Variants in SH3D19 observed in about 807,000 individuals in gnomAD.
SH3D19 encodes the protein SH3 domain containing 19.
SH3D19 carries 58 observed loss-of-function variants against 112.1 expected under a neutral mutation model. That is an observed-to-expected ratio of 0.52 (90% CI 0.42 to 0.64). SH3D19 has a LOEUF of 0.64. Ranked by LOEUF, SH3D19 falls within the 30% of genes least tolerant of loss-of-function variation. The pLI, the probability that SH3D19 is intolerant of heterozygous loss-of-function variation, is 0.00. For missense variants in SH3D19, 1,090 were observed against 1,263.4 expected (o/e 0.86, Z 2.08); for synonymous variants, 391 against 448.5 (o/e 0.87, Z 1.62).
chr4:151,301,259 C>T (rs1297964886), intron 1 of SH3D19, among the ~76,000 whole-genome samples: 1 of 152,216 alleles, frequency 6.6e-6, no homozygotes, highest in African/African-American at 2.4e-5. Flanking sequence ...CAGAGTTTTG[C>T]TCTTGTTGCC....
chr4:151,198,105 A>G (rs527877041), intron 2 of SH3D19, among the ~76,000 whole-genome samples: 3 of 151,850 alleles, frequency 2.0e-5, no homozygotes, highest in South Asian at 2.1e-4. Flanking sequence ...GCAGATCGAG[A>G]CAATCCTGGC....
chr4:151,310,847 A>G (rs1283491732), intron 1 of SH3D19, among the ~76,000 whole-genome samples: 1 of 151,732 alleles, frequency 6.6e-6, no homozygotes, highest in Non-Finnish European at 1.5e-5. Flanking sequence ...TGCTGGGATT[A>G]CAGGTATGAT....
intron 11 of SH3D19, among the ~76,000 whole-genome samples, chr4:151,144,853 T>C (rs186678889): frequency 1.3e-5 from 2 of 152,318 alleles, no homozygotes; most frequent in Admixed American, 1.3e-4. Flanking sequence ...GTACTGGACC[T>C]TGTCCAGGAG....
At chr4:151,162,242 A>G (rs1017058312) in intron 8 of SH3D19, among the ~76,000 whole-genome samples, 9 of 151,826 alleles carry the variant, frequency 5.9e-5, no homozygotes, top group African/African-American at 2.2e-4. Context: ...GAGTGAGAAC[A>G]TGCAGTGTTT....
chr4:151,291,406 C>T, intron 1 of SH3D19: 3 of 1,613,932 alleles, frequency 1.9e-6, no homozygotes, highest in Non-Finnish European at 2.5e-6. Flanking sequence ...TGCTTGCATA[C>T]AGGGCTGGGA....
At chr4:151,145,470 C>T (rs1753759855) in intron 11 of SH3D19, among the ~76,000 whole-genome samples, 1 of 152,166 alleles carries the variant, frequency 6.6e-6, no homozygotes, top group Admixed American at 6.5e-5. Context: ...CCTTGTGACC[C>T]CCGCCCCTGC....
intron 8 of SH3D19, among the ~76,000 whole-genome samples, chr4:151,163,248 G>A (rs1193154595): frequency 6.6e-6 from 1 of 152,086 alleles, no homozygotes; most frequent in Non-Finnish European, 1.5e-5. Context: ...ATATACTTTT[G>A]CTATAATAAA....
At chr4:151,223,745 C>CT (rs758305244) in intron 2 of SH3D19, among the ~76,000 whole-genome samples, 5 of 151,976 alleles carry the variant, frequency 3.3e-5, no homozygotes, top group African/African-American at 4.8e-5. Context: ...TTATCTTACT[C>CT]TTTTTTTTCA....
intron 1 of SH3D19, among the ~76,000 whole-genome samples, chr4:151,309,854 G>A (rs1468727096): frequency 2.0e-5 from 3 of 152,222 alleles, no homozygotes; most frequent in Non-Finnish European, 4.4e-5. Flanking sequence ...GCTGGGTATG[G>A]TGGCACATAC....
chr4:151,291,630 A>T (rs2150019739), intron 1 of SH3D19, among the ~76,000 whole-genome samples: 1 of 152,334 alleles, frequency 6.6e-6, no homozygotes, highest in East Asian at 1.9e-4. Context: ...GACAGGAAGG[A>T]TGTCCTCTAT....
At chr4:151,220,868 G>C (rs748175561) in intron 2 of SH3D19, among the ~76,000 whole-genome samples, 7 of 152,170 alleles carry the variant, frequency 4.6e-5, no homozygotes, top group Middle Eastern at 3.4e-3. Context: ...CTTATTTCTT[G>C]ACATACTGAT....
chr4:151,156,975 A>C (rs1337635540), intron 9 of SH3D19, among the ~76,000 whole-genome samples: 2 of 152,162 alleles, frequency 1.3e-5, no homozygotes, highest in African/African-American at 4.8e-5. Flanking sequence ...CAAAAACCCC[A>C]AACAATCTGA....
intron 4 of SH3D19, among the ~76,000 whole-genome samples, chr4:151,178,180 T>G (rs1760252013): frequency 6.7e-6 from 1 of 149,926 alleles, no homozygotes; most frequent in Non-Finnish European, 1.5e-5. Context: ...GGATTAAAGG[T>G]GTAAGGCACT....
intron 1 of SH3D19, chr4:151,226,301 T>C (rs548763601): frequency 5.8e-6 from 7 of 1,202,126 alleles, no homozygotes; most frequent in Admixed American, 4.4e-5. Flanking sequence ...TTTGTTAAAA[T>C]CATCTACTTG....
chr4:151,237,424 C>A (rs576325899), intron 1 of SH3D19, among the ~76,000 whole-genome samples: 1 of 152,340 alleles, frequency 6.6e-6, no homozygotes, highest in Admixed American at 6.5e-5. Flanking sequence ...TGCTTACCAT[C>A]TCCAGGTGTC....
At chr4:151,289,092 G>C (rs561583377) in intron 1 of SH3D19, among the ~76,000 whole-genome samples, 41 of 152,258 alleles carry the variant, frequency 2.7e-4, no homozygotes, top group African/African-American at 9.9e-4. Context: ...TATATTTATG[G>C]TCAATTATTT....
At position 151,122,109 on chromosome 4, in the gene SH3D19, C is replaced by T; in HGVS notation, c.3126G>A (p.Gln1042=). The T allele has an allele frequency of 6.3e-7, 1 of 1,589,192 alleles. No homozygotes were observed. The highest frequency in any genetic ancestry group is 8.6e-7 in the Non-Finnish European group (1 of 1,157,568). The change falls in exon 20 of 20, where the codon CAG becomes CAA. Residue 1042 remains glutamine (Q), a synonymous_variant. Coordinates refer to ENST00000604030, the MANE Select transcript of SH3D19 (RefSeq NM_001378122.1). The part of the protein sequence containing the change: ...KSGIFPKNYI[Q]FLQIS ...TTCTCCTCTAGCTGATCTGTAGAAA[C>T]TGTATGTAGTTTTTGGGAAATATTC...
At chr4:151,163,467 T>A (rs1757487011) in intron 8 of SH3D19, among the ~76,000 whole-genome samples, 1 of 152,180 alleles carries the variant, frequency 6.6e-6, no homozygotes, top group Non-Finnish European at 1.5e-5. Flanking sequence ...AAATCCAGAA[T>A]ACATTTAACA....
chr4:151,317,025 G>A (rs180985790), intron 1 of SH3D19, among the ~76,000 whole-genome samples: 4 of 152,352 alleles, frequency 2.6e-5, no homozygotes, highest in Admixed American at 2.6e-4. Context: ...CACTGATGAA[G>A]GGGAACACTG....
Sources: allele counts gnomAD v4.1 joint callset (sites outside exome capture counted in the v4.1 genomes callset), GRCh38; gene constraint gnomAD v4.1.1; transcripts MANE v1.5; gene names NCBI Gene and HGNC (gene_info 2026-07-23, HGNC 2026-07-21).